The following SHE variants were observed in gnomAD, a reference collection of about 807,000 sequenced individuals.
SHE encodes the protein Src homology 2 domain containing E.
SHE carries 11 observed loss-of-function variants against 49.8 expected under a neutral mutation model. The ratio of observed to expected loss-of-function variants is 0.22; its 90% CI spans 0.14 to 0.37. The LOEUF is 0.37. SHE is among the 10% of genes least tolerant of loss of function. The pLI is 1.00. For missense variants in SHE, 624 were observed against 655.5 expected (o/e 0.95, Z 0.52); for synonymous variants, 310 against 278.1 (o/e 1.11, Z -1.14).
Position 154,502,150 on chromosome 1 carries a change from C to A in SHE, c.-124G>T, listed in dbSNP as rs1692806082. Reference sequence around the variant, plus strand: ...CTCACGGCTCGGGGCGCCGAGCGGGCGGGCGCTAGCCTCTGCTCCGGACAC... The same window carrying A: ...CTCACGGCTCGGGGCGCCGAGCGGGAGGGCGCTAGCCTCTGCTCCGGACAC... On this transcript the variant is annotated 5_prime_UTR_variant, in exon 1 of 6. Transcript: ENST00000304760. 2.6e-6 allele frequency: 2 copies of A among 762,990 alleles called. No individual in the cohort carries two copies. Among genetic ancestry groups the A allele is most frequent in the Non-Finnish European group, 3.5e-6 (2 of 579,490 alleles). The allele number at this position is 762,990 out of a possible 1,614,324, so 47.3% of individuals were successfully genotyped here.
chr1:154,494,504 G>A (rs1282461504), intron 2 of SHE, among the ~76,000 whole-genome samples: 8 of 149,618 alleles, frequency 5.3e-5, no homozygotes, highest in South Asian at 2.1e-4. Context: ...ATGAGCCACC[G>A]GGCCCGGCAG....
At chr1:154,478,563 C>G (rs930403692), downstream of SHE, among the ~76,000 whole-genome samples, 4 of 152,024 alleles carry the variant, frequency 2.6e-5, no homozygotes, top group African/African-American at 9.7e-5. Flanking sequence ...AAACAAGGTT[C>G]CCACCTGGCT....
At chr1:154,496,020 G>A (rs1025690761) in intron 2 of SHE, among the ~76,000 whole-genome samples, 1 of 152,096 alleles carries the variant, frequency 6.6e-6, no homozygotes, top group South Asian at 2.1e-4. Context: ...GGTACACAAG[G>A]AGCAAACTGA....
intron 1 of SHE, among the ~76,000 whole-genome samples, chr1:154,471,594 CA>C (rs1316509316): frequency 1.3e-5 from 2 of 151,856 alleles, no homozygotes; most frequent in Non-Finnish European, 2.9e-5. Context: ...AACAAGCAAA[CA>C]AAACACCACT....
At chr1:154,499,029 C>A in intron 2 of SHE, 83 bp downstream of exon 2, 1 of 1,519,648 alleles carries the variant, frequency 6.6e-7, no homozygotes, top group South Asian at 1.3e-5. Flanking sequence ...TATCCCTCTT[C>A]CCCAATAGAC....
chr1:154,483,812 C>G lies in SHE; in HGVS notation c.*337G>C. 2 of 869,396 alleles carry G rather than the reference C, an allele frequency of 2.3e-6. No individual in the cohort carries two copies. Among genetic ancestry groups the G allele is most frequent in the South Asian group, 8.8e-5 (2 of 22,678 alleles). The allele number at this position is 869,396 out of a possible 1,614,324, so 53.9% of individuals were successfully genotyped here. On this transcript the variant is annotated 3_prime_UTR_variant, in exon 6 of 6. Coordinates refer to ENST00000304760, the MANE Select transcript of SHE (RefSeq NM_001010846.3). ...TTTGAGACCAGCCTGACGAAGACGG[C>G]GAAACCCCATCTCTACTAAAAATAC...
intron 1 of SHE, among the ~76,000 whole-genome samples, chr1:154,500,711 CA>C (rs1692691315): frequency 6.6e-6 from 1 of 152,144 alleles, no homozygotes; most frequent in Non-Finnish European, 1.5e-5. Flanking sequence ...TTAACTTTTC[CA>C]CATTGGACAG....
downstream of SHE, among the ~76,000 whole-genome samples, chr1:154,475,646 A>G (rs959482265): frequency 1.3e-5 from 2 of 152,178 alleles, no homozygotes; most frequent in Admixed American, 6.5e-5. Flanking sequence ...GAATAGTCCA[A>G]TCATATTATA....
chr1:154,491,425 G>A (rs1692359615), intron 2 of SHE, among the ~76,000 whole-genome samples: 1 of 152,146 alleles, frequency 6.6e-6, no homozygotes, highest in African/African-American at 2.4e-5. Flanking sequence ...GTGTCCTGGC[G>A]ATCTTGCAAT....
Position 154,502,011 on chromosome 1 carries a change from T to A in SHE, c.16A>T (p.Thr6Ser), listed in dbSNP as rs577298426. MQWSP[T>S]PGASACLGWA... is the part of the protein sequence containing the mutation. ...CCCAGACACGCAGAGGCGCCAGGGG[T>A]CGGGGACCACTGCATTCCCCGTGAC... Residue 6 changes from threonine to serine, a missense_variant, in exon 1 of 6, where the codon ACC becomes TCC. Physicochemically the swap from Thr to Ser is moderately conservative, Grantham distance 58. Transcript: ENST00000304760. 24 of 1,381,808 alleles carry A rather than the reference T, an allele frequency of 1.7e-5. No homozygotes were observed. The African/African-American group carries it at 3.4e-4, about 20-fold the overall frequency. 85.6% of individuals were successfully genotyped at this position (1,381,808 alleles called of 1,614,324 possible). A position where few individuals can be genotyped will look rare whatever the true frequency, so the allele number is the denominator to read the frequency against.
chr1:154,480,322 G>C lies in SHE; in HGVS notation c.*3827C>G, dbSNP rs1430250705. The C allele has an allele frequency of 3.0e-6, 3 of 985,260 alleles. No homozygotes were observed. The highest frequency in any genetic ancestry group is 5.2e-4 in the Middle Eastern group (1 of 1,936). 61.0% of individuals were successfully genotyped at this position (985,260 alleles called of 1,614,324 possible). A position where few individuals can be genotyped will look rare whatever the true frequency, so the allele number is the denominator to read the frequency against. ...TGCACTCCCTAAACCCTGGAAGGAG[G>C]GAGAAACAAGGGGCTAACCTTTGAC... On this transcript the variant is annotated 3_prime_UTR_variant, in exon 6 of 6. Transcript: ENST00000304760.
In SHE at chr1:154,481,415, T is replaced by C. The variant is rs1218998755; in HGVS notation, c.*2734A>G. The C allele has an allele frequency of 2.0e-6, 2 of 985,338 alleles. No homozygotes were observed. The highest frequency in any genetic ancestry group is 6.1e-5 in the Admixed American group (1 of 16,268). 61.0% of individuals were successfully genotyped at this position (985,338 alleles called of 1,614,324 possible). ...TCTACTTTTAATTCTATAAAGAATA[T>C]AGTATGACTTGTCACAGAGAAACAG... On this transcript the variant is annotated 3_prime_UTR_variant, in exon 6 of 6. Coordinates refer to ENST00000304760, the MANE Select transcript of SHE (RefSeq NM_001010846.3).
chr1:154,491,424 C>A (rs1033692556), intron 2 of SHE, among the ~76,000 whole-genome samples: 1 of 152,206 alleles, frequency 6.6e-6, no homozygotes, highest in African/African-American at 2.4e-5. Flanking sequence ...GGTGTCCTGG[C>A]GATCTTGCAA....
downstream of SHE, among the ~76,000 whole-genome samples, chr1:154,475,892 C>T (rs371330644): frequency 2.0e-5 from 3 of 152,270 alleles, no homozygotes; most frequent in East Asian, 3.9e-4. Flanking sequence ...TCGCTCCTGA[C>T]CTCAAGTGAT....
In SHE at chr1:154,497,839, C is replaced by T. The variant is rs868818885; in HGVS notation, c.718+1273G>A. Among the ~76,000 whole-genome samples, 5 of 152,086 alleles carry T rather than the reference C, an allele frequency of 3.3e-5. No individual in the cohort carries two copies. In the Middle Eastern group the frequency reaches 0.017, roughly 517 times the overall value. ...GGAATTACAGGCATGCACCACCATG[C>T]CCGGCTAATTTTTTATATTTTTAGT... On this transcript the variant is annotated intron_variant, in intron 2 of 5. Coordinates refer to ENST00000304760, the MANE Select transcript of SHE (RefSeq NM_001010846.3).
At chr1:154,487,185 T>C (rs1692205522) in intron 3 of SHE, among the ~76,000 whole-genome samples, 1 of 149,284 alleles carries the variant, frequency 6.7e-6, no homozygotes, top group Non-Finnish European at 1.5e-5. Context: ...GGCAGGAGAA[T>C]CACTTGAACC....
At position 154,486,547 on chromosome 1, in the gene SHE, G is replaced by A. The variant is rs747582172; in HGVS notation, c.1161C>T (p.Gly387=). Residue 387 remains glycine (G), a synonymous_variant, in exon 4 of 6, where the codon GGC becomes GGT. Transcript: ENST00000304760. ...CTCACGGCTGCTTCTCCAGGGGCAG[G>A]CCCGGGTCCACTTTCTCTCCCTCAC... ...DHSEGEKVDP[G]LPLEKQPWYH... 2.5e-6 allele frequency: 4 copies of A among 1,614,106 alleles called. No individual in the cohort carries two copies.
chr1:154,489,111 C>A lies in SHE; in HGVS notation c.964G>T (p.Ala322Ser). The A allele has an allele frequency of 6.2e-7, 1 of 1,612,968 alleles. No homozygotes were observed. Among genetic ancestry groups the A allele is most frequent in the Non-Finnish European group, 8.5e-7 (1 of 1,179,326 alleles). Residue 322 changes from alanine to serine, a missense_variant, in exon 3 of 6, where the codon GCG becomes TCG. Coordinates refer to ENST00000304760, the MANE Select transcript of SHE (RefSeq NM_001010846.3). The stretch of plus-strand genomic sequence containing the variant: ...TCCCATGGCTGCTCGTACTCTGCCG[C>A]GGGCCTCTCGTCGTTCTCGGGCAGC... ...SRLPENDERP[A>S]AEYEQPWEWK...
intron 4 of SHE, 110 bp from the exon 5 acceptor site, chr1:154,486,172 C>T: frequency 1.4e-6 from 2 of 1,436,074 alleles, no homozygotes; most frequent in Non-Finnish European, 1.9e-6. Context: ...GGCAGAGACG[C>T]AACAGCCTGA....
Sources: allele counts gnomAD v4.1 joint callset (sites outside exome capture counted in the v4.1 genomes callset), GRCh38; gene constraint gnomAD v4.1.1; transcripts MANE v1.5; gene names NCBI Gene and HGNC (gene_info 2026-07-23, HGNC 2026-07-21).